VPS45: variants seen among roughly 807,000 people sequenced by gnomAD.
The protein encoded by VPS45 is vacuolar protein sorting 45 homolog.
A neutral mutation model predicts 75.9 loss-of-function variants in VPS45; 35 were observed. The ratio of observed to expected loss-of-function variants is 0.46; its 90% CI spans 0.35 to 0.61. The LOEUF (loss-of-function observed/expected upper bound fraction) is 0.61. Ranked by LOEUF, VPS45 falls within the 20% of genes least tolerant of loss-of-function variation. VPS45 has a pLI of 0.00. For synonymous variants in VPS45, 220 were observed against 238.2 expected (o/e 0.92, Z 0.70); for missense variants, 559 against 685.9 (o/e 0.81, Z 2.07).
intron 10 of VPS45, among the ~76,000 whole-genome samples, chr1:150,087,746 A>G (rs1427551339): frequency 2.0e-5 from 3 of 152,196 alleles, no homozygotes; most frequent in Non-Finnish European, 4.4e-5. Context: ...TTTTCATGAG[A>G]GAATAGATGC....
chr1:150,069,491 C>G (rs1162843441), intron 2 of VPS45, among the ~76,000 whole-genome samples: 1 of 139,926 alleles, frequency 7.1e-6, no homozygotes, highest in African/African-American at 2.7e-5. Flanking sequence ...GAGTCTCGCT[C>G]TGTCGCCCAG....
intron 7 of VPS45, among the ~76,000 whole-genome samples, chr1:150,078,821 AAAG>A (rs1655536383): frequency 6.6e-6 from 1 of 151,162 alleles, no homozygotes; most frequent in African/African-American, 2.4e-5. Context: ...AGAATAAAAA[AAAG>A]AAGAGCCGGG....
rs1655438227 is a variant in VPS45, at chr1:150,077,154, T to A, written c.499T>A (p.Leu167Ile). Residue 167 changes from leucine to isoleucine, a missense_variant, in exon 6 of 15, where the codon TTA (leucine) becomes ATA (isoleucine). Coordinates refer to ENST00000644510, the MANE Select transcript of VPS45 (RefSeq NM_007259.5). ...AACTCAAGGGCTTACAGCTCTCCTT[T>A]TATCTCTGAAGAAGTGTCCCATGAT... is the stretch of plus-strand genomic sequence containing the variant. ...RTTQGLTALL[L>I]SLKKCPMIRY... 1 of 1,614,000 alleles carries A rather than the reference T, an allele frequency of 6.2e-7. No homozygotes were observed. Among genetic ancestry groups the A allele is most frequent in the African/African-American group, 1.3e-5 (1 of 74,900 alleles).
chr1:150,140,990 A>G (rs587755739), intron 14 of VPS45, among the ~76,000 whole-genome samples: 1 of 152,368 alleles, frequency 6.6e-6, no homozygotes, highest in South Asian at 2.1e-4. Context: ...GCCTTTGAAT[A>G]GCAGGTGCAA....
intron 9 of VPS45, among the ~76,000 whole-genome samples, chr1:150,082,297 G>A (rs902128454): frequency 3.3e-5 from 5 of 151,982 alleles, no homozygotes; most frequent in African/African-American, 7.2e-5. Flanking sequence ...ACCTGAGGTC[G>A]GGAGTTCAAG....
intron 14 of VPS45, among the ~76,000 whole-genome samples, chr1:150,136,301 C>T (rs1167042578): frequency 6.8e-6 from 1 of 147,450 alleles, no homozygotes; most frequent in Non-Finnish European, 1.5e-5. Context: ...CACCTGTAAT[C>T]TCGGCACTTT....
intron 14 of VPS45, among the ~76,000 whole-genome samples, chr1:150,123,839 G>A (rs1658362561): frequency 6.6e-6 from 1 of 152,184 alleles, no homozygotes; most frequent in African/African-American, 2.4e-5. Flanking sequence ...CGCTGCCATT[G>A]CTTGAACACT....
rs112176343 is a variant in VPS45, at chr1:150,102,303, A to G, written c.1494-8193A>G. On this transcript the variant is annotated intron_variant, in intron 13 of 14. Coordinates refer to ENST00000644510, the MANE Select transcript of VPS45 (RefSeq NM_007259.5). ...GGTGGCTCATGCCTGTAATCCCAGC[A>G]CTTCGGGAGGCCGAAGTGGGTGGAT... Among the ~76,000 whole-genome samples the G allele has an allele frequency of 1.5e-4, 22 of 151,160 alleles. 1 individual carries two copies. Among genetic ancestry groups the G allele is most frequent in the African/African-American group, 4.9e-4 (20 of 41,070 alleles).
At chr1:150,097,820 A>G (rs782718939) in intron 13 of VPS45, among the ~76,000 whole-genome samples, 1 of 152,066 alleles carries the variant, frequency 6.6e-6, no homozygotes, top group Admixed American at 6.5e-5. Context: ...TTTCACAAGC[A>G]CATATATGTA....
intron 14 of VPS45, among the ~76,000 whole-genome samples, chr1:150,137,828 T>C (rs1477405334): frequency 6.8e-6 from 1 of 146,772 alleles, no homozygotes; most frequent in Non-Finnish European, 1.5e-5. Flanking sequence ...GGCAGGAGAA[T>C]TGCTTGAACC....
Position 150,072,085 on chromosome 1 carries a change from C to T in VPS45, c.229-81C>T, listed in dbSNP as rs190663982. The T allele has an allele frequency of 7.5e-3, 9,532 of 1,277,382 alleles. 50 individuals carry two copies. The highest frequency in any genetic ancestry group is 9.1e-3 in the Non-Finnish European group (8,219 of 901,950). The allele number at this position is 1,277,382 out of a possible 1,614,324, so 79.1% of individuals were successfully genotyped here. ...ATATGCAGTAGACGCAGTAAATAAA[C>T]AAATCAATGGGTGAATGCTTATTAC... On this transcript the variant is annotated intron_variant, in intron 2 of 14. Transcript: ENST00000644510.
intron 14 of VPS45, among the ~76,000 whole-genome samples, chr1:150,140,197 C>T (rs924811277): frequency 6.6e-6 from 1 of 152,210 alleles, no homozygotes; most frequent in Non-Finnish European, 1.5e-5. Context: ...AGCCACCGCA[C>T]CCAGCCCAGT....
chr1:150,088,894 A>G (rs1656170632), intron 10 of VPS45, among the ~76,000 whole-genome samples: 3 of 152,200 alleles, frequency 2.0e-5, no homozygotes, highest in Admixed American at 2.0e-4. Flanking sequence ...GCTCTTCAAC[A>G]TACTGATTTC....
Position 150,114,054 on chromosome 1 carries a change from A to G in VPS45, c.1625+3427A>G, listed in dbSNP as rs142845050. Among the ~76,000 whole-genome samples, 25 of 152,314 alleles carry G rather than the reference A, an allele frequency of 1.6e-4. No individual in the cohort carries two copies. The East Asian group carries it at 4.8e-3, about 29-fold the overall frequency. On this transcript the variant is annotated intron_variant, in intron 14 of 14. Coordinates refer to ENST00000644510, the MANE Select transcript of VPS45 (RefSeq NM_007259.5). ...TCCAGTGTTTTGGTTTTACCTTTTTAAATTCCCAAATTAATCATTATTTTC... is the reference window on the plus strand; with the variant it reads ...TCCAGTGTTTTGGTTTTACCTTTTTGAATTCCCAAATTAATCATTATTTTC...
chr1:150,087,947 G>T (rs1244554398), intron 10 of VPS45, among the ~76,000 whole-genome samples: 1 of 152,070 alleles, frequency 6.6e-6, no homozygotes, highest in South Asian at 2.1e-4. Context: ...TAGGATTGAT[G>T]CATAATGATT....
intron 14 of VPS45, among the ~76,000 whole-genome samples, chr1:150,135,186 A>C (rs1324628848): frequency 1.3e-5 from 2 of 152,160 alleles, no homozygotes; most frequent in African/African-American, 4.8e-5. Context: ...AGTACCTTAA[A>C]ATATGTTTGT....
intron 13 of VPS45, among the ~76,000 whole-genome samples, chr1:150,109,004 T>G (rs1657491102): frequency 6.6e-6 from 1 of 152,042 alleles, no homozygotes; most frequent in Admixed American, 6.6e-5. Context: ...CTTGTATAAC[T>G]GTTTTTAGGG....
intron 14 of VPS45, chr1:150,142,900 G>C (rs1407799441): frequency 2.2e-6 from 1 of 448,814 alleles, no homozygotes; most frequent in South Asian, 1.6e-5. Context: ...CGATCCACCC[G>C]CCTCAGCCTC....
intron 2 of VPS45, 85 bp downstream of exon 2, chr1:150,068,849 TATTATC>T (rs1654874321): frequency 1.4e-5 from 19 of 1,313,004 alleles, no homozygotes; most frequent in Non-Finnish European, 1.9e-5. Context: ...AATAAATTTG[TATTATC>T]ATAATTTGTG....
Sources: gnomAD v4.1 joint callset for allele counts (sites outside exome capture counted in the v4.1 genomes callset) on GRCh38, gnomAD v4.1.1 for gene constraint, MANE v1.5 for transcripts, NCBI Gene and HGNC (gene_info 2026-07-23, HGNC 2026-07-21) for gene names.